The following ELOVL7 variants were observed in gnomAD, a reference collection of about 807,000 sequenced individuals.
ELOVL7 encodes very long chain fatty acid elongase 7.
Under a neutral mutation model 35.7 loss-of-function variants are expected in ELOVL7, and 27 were observed. The observed-to-expected ratio is 0.76, with a 90% CI of 0.56 to 1.04. The LOEUF (loss-of-function observed/expected upper bound fraction) is 1.04. ELOVL7 is among the 50% of genes least tolerant of loss of function. The pLI, the probability that ELOVL7 is intolerant of heterozygous loss-of-function variation, is 0.00. For synonymous variants in ELOVL7, 113 were observed against 114.6 expected (o/e 0.99, Z 0.09); for missense variants, 327 against 340.8 (o/e 0.96, Z 0.32).
intron 1 of ELOVL7, among the ~76,000 whole-genome samples, chr5:60,834,203 A>G (rs1023622547): frequency 2.0e-5 from 3 of 151,834 alleles, no homozygotes; most frequent in South Asian, 2.1e-4. Context: ...GTGCAGTGGC[A>G]TGATCTCGGC....
intron 2 of ELOVL7, among the ~76,000 whole-genome samples, chr5:60,793,948 T>G (rs1398943285): frequency 6.6e-6 from 1 of 152,076 alleles, no homozygotes; most frequent in Non-Finnish European, 1.5e-5. Flanking sequence ...CCTTAGATTA[T>G]AAGGCAGTAG....
chr5:60,753,144 G>A lies in ELOVL7; in HGVS notation c.*1480C>T, dbSNP rs542201081. 1 of 151,760 alleles carries A rather than the reference G, an allele frequency of 6.6e-6. No individual in the cohort carries two copies. The highest frequency in any genetic ancestry group is 2.4e-5 in the African/African-American group (1 of 41,434). The allele number at this position is 151,760 out of a possible 1,614,324, so 9.4% of individuals were successfully genotyped here. On this transcript the variant is annotated 3_prime_UTR_variant, in exon 9 of 9. Transcript: ENST00000508821. ...CTCTGTGTGTTCAAAATTAACTGGGGCTTTAAGTACTAATTGTTTAAAGTC... is the reference window on the plus strand; with the variant it reads ...CTCTGTGTGTTCAAAATTAACTGGGACTTTAAGTACTAATTGTTTAAAGTC...
chr5:60,759,442 G>T (rs951468048), intron 7 of ELOVL7, among the ~76,000 whole-genome samples: 11 of 152,040 alleles, frequency 7.2e-5, no homozygotes, highest in African/African-American at 2.2e-4. Flanking sequence ...GATAGTTGAG[G>T]AGTCAAGGTG....
chr5:60,770,795 T>C (rs1227612035), intron 4 of ELOVL7, among the ~76,000 whole-genome samples: 1 of 152,186 alleles, frequency 6.6e-6, no homozygotes, highest in East Asian at 1.9e-4. Flanking sequence ...CCTCCCAGGC[T>C]CAAGTGATCC....
intron 1 of ELOVL7, among the ~76,000 whole-genome samples, chr5:60,809,817 T>C (rs1326086640): frequency 6.6e-6 from 1 of 152,178 alleles, no homozygotes; most frequent in Admixed American, 6.5e-5. Flanking sequence ...TCCTAATTTT[T>C]TTTTCTCCAG....
intron 1 of ELOVL7, among the ~76,000 whole-genome samples, chr5:60,807,192 T>A (rs1744980922): frequency 6.6e-6 from 1 of 151,602 alleles, no homozygotes; most frequent in South Asian, 2.1e-4. Flanking sequence ...TGGTGAATGG[T>A]ACAACAGGAT....
At chr5:60,764,694 T>G (rs1426249746) in intron 6 of ELOVL7, among the ~76,000 whole-genome samples, 2 of 152,132 alleles carry the variant, frequency 1.3e-5, no homozygotes, top group Non-Finnish European at 2.9e-5. Flanking sequence ...GCAGAAGACT[T>G]ATGATTGAAA....
chr5:60,806,091 T>C (rs772913559), intron 1 of ELOVL7, among the ~76,000 whole-genome samples: 56 of 152,260 alleles, frequency 3.7e-4, no homozygotes, highest in Non-Finnish European at 6.3e-4. Context: ...GGGGTCTTTA[T>C]AAAAAGGGGA....
rs757288792 is a variant in ELOVL7, at chr5:60,766,643, A to G, written c.337-13T>C. ...AGGTACGTGCCATCTGCAGAAGCAC[A>G]AATAAATCTAAATTTATTTTGTATA... is the stretch of plus-strand genomic sequence containing the variant. On this transcript the variant is annotated splice_polypyrimidine_tract_variant and intron_variant, in intron 5 of 8. Coordinates refer to ENST00000508821, the MANE Select transcript of ELOVL7 (RefSeq NM_024930.3). 6.2e-7 allele frequency: 1 copy of G among 1,602,006 alleles called. No individual in the cohort carries two copies. The highest frequency in any genetic ancestry group is 1.1e-5 in the South Asian group (1 of 88,058).
chr5:60,766,424 A>T (rs1345188028), intron 6 of ELOVL7, 150 bp downstream of exon 6: 1 of 591,822 alleles, frequency 1.7e-6, no homozygotes, highest in Non-Finnish European at 3.0e-6. Flanking sequence ...GGTAAAAAAG[A>T]TAACAGTAGG....
chr5:60,758,783 G>T (rs947180600), intron 7 of ELOVL7, among the ~76,000 whole-genome samples: 1 of 152,198 alleles, frequency 6.6e-6, no homozygotes, highest in African/African-American at 2.4e-5. Context: ...CAATCTGGAA[G>T]AATATGTGTT....
intron 1 of ELOVL7, among the ~76,000 whole-genome samples, chr5:60,831,530 C>T (rs1354290474): frequency 6.6e-6 from 1 of 152,156 alleles, no homozygotes. Context: ...TTATTGTATA[C>T]ATCATCAGGA....
At chr5:60,796,206 T>C (rs1744252058) in intron 2 of ELOVL7, among the ~76,000 whole-genome samples, 1 of 152,212 alleles carries the variant, frequency 6.6e-6, no homozygotes, top group Non-Finnish European at 1.5e-5. Context: ...GTTTTCTCAC[T>C]GGAACTGGTT....
intron 2 of ELOVL7, among the ~76,000 whole-genome samples, chr5:60,797,261 C>T (rs1002029732): frequency 2.6e-5 from 4 of 152,178 alleles, no homozygotes; most frequent in South Asian, 2.1e-4. Flanking sequence ...CATGTCCATT[C>T]CACCTATTAC....
At chr5:60,802,123 C>T (rs62372064) in intron 1 of ELOVL7, among the ~76,000 whole-genome samples, 9,297 of 22,008 alleles carry the variant, frequency 0.42, 1,418 homozygotes, top group Non-Finnish European at 0.48. Flanking sequence ...TATATACACA[C>T]ACACACACAC....
chr5:60,822,662 G>A (rs1232130239), intron 1 of ELOVL7, among the ~76,000 whole-genome samples: 4 of 152,160 alleles, frequency 2.6e-5, no homozygotes, highest in African/African-American at 9.7e-5. Context: ...GAAAACCACA[G>A]TAATAGATGC....
intron 2 of ELOVL7, among the ~76,000 whole-genome samples, chr5:60,791,428 T>C (rs1743930016): frequency 6.6e-6 from 1 of 152,204 alleles, no homozygotes; most frequent in Non-Finnish European, 1.5e-5. Context: ...CTATAGGTAC[T>C]ATGTTCACTA....
At chr5:60,779,842 A>G (rs1178560492) in intron 3 of ELOVL7, among the ~76,000 whole-genome samples, 1 of 152,150 alleles carries the variant, frequency 6.6e-6, no homozygotes, top group Non-Finnish European at 1.5e-5. Context: ...CCAAACTTTT[A>G]TGGTCCTTCC....
intron 1 of ELOVL7, among the ~76,000 whole-genome samples, chr5:60,814,379 T>C (rs950803075): frequency 4.6e-5 from 7 of 152,124 alleles, no homozygotes; most frequent in Non-Finnish European, 1.0e-4. Flanking sequence ...GTGAGGAGAT[T>C]GCAGAGTTTT....
Sources: gnomAD v4.1 joint callset for allele counts (sites outside exome capture counted in the v4.1 genomes callset) on GRCh38, gnomAD v4.1.1 for gene constraint, MANE v1.5 for transcripts, NCBI Gene and HGNC (gene_info 2026-07-23, HGNC 2026-07-21) for gene names.